The following UGT1A9 variants were observed in gnomAD, a reference collection of about 807,000 sequenced individuals.
UGT1A9 encodes the protein UDP glucuronosyltransferase family 1 member A9, also known as UDP-glucuronosyltransferase 1A9.
Under a neutral mutation model 45.0 loss-of-function variants are expected in UGT1A9, and 35 were observed. The observed-to-expected ratio is 0.78, with a 90% CI of 0.59 to 1.03. The LOEUF (loss-of-function observed/expected upper bound fraction) is 1.03. UGT1A9 is among the 50% of genes least tolerant of loss of function. The pLI is 0.00. For synonymous variants in UGT1A9, 278 were observed against 250.6 expected (o/e 1.11, Z -1.03); for missense variants, 687 against 666.6 (o/e 1.03, Z -0.34).
At chr2:233,733,885 A>AGCTCCTG (rs2078449357) in intron 1 of UGT1A9, among the ~76,000 whole-genome samples, 1 of 152,018 alleles carries the variant, frequency 6.6e-6, no homozygotes, top group Non-Finnish European at 1.5e-5. Flanking sequence ...GAATGGTACC[A>AGCTCCTG]GCTCCTGTTT....
At chr2:233,705,436 T>C (rs1284640676) in intron 1 of UGT1A9, among the ~76,000 whole-genome samples, 1 of 152,232 alleles carries the variant, frequency 6.6e-6, no homozygotes, top group Non-Finnish European at 1.5e-5. Context: ...TAACTTATCC[T>C]TCAGAATTGC....
chr2:233,729,169 G>T (rs770212311), intron 1 of UGT1A9: 2 of 1,613,626 alleles, frequency 1.2e-6, no homozygotes, highest in African/African-American at 2.7e-5. Context: ...GCTGGCCACA[G>T]GACTGCTGCT....
chr2:233,720,704 CTTTT>C (rs796417980), intron 1 of UGT1A9, among the ~76,000 whole-genome samples: 1 of 139,182 alleles, frequency 7.2e-6, no homozygotes. Context: ...GGGAGCCATC[CTTTT>C]TTTTTTTTTT....
rs369861347 is a variant in UGT1A9 at position 233,704,965 on chromosome 2, A to G, written c.855+32176A>G. On this transcript the variant is annotated intron_variant, in intron 1 of 4. Coordinates refer to ENST00000354728, the MANE Select transcript of UGT1A9 (RefSeq NM_021027.3). ...AGCCTGGCCAACATGGTGAAACCCC[A>G]TCTCTACTTAAAATACAGAAATTAG... Among the ~76,000 whole-genome samples the G allele has an allele frequency of 7.9e-5, 12 of 152,064 alleles. 1 individual carries two copies. In the East Asian group the frequency reaches 1.2e-3, roughly 15 times the overall value.
chr2:233,696,816 T>A (rs562285959), intron 1 of UGT1A9, among the ~76,000 whole-genome samples: 1 of 152,328 alleles, frequency 6.6e-6, no homozygotes, highest in Admixed American at 6.5e-5. Flanking sequence ...GCCAGTTTAT[T>A]GAGAGTGTGT....
At chr2:233,692,951 T>G (rs2075122028) in intron 1 of UGT1A9, 1 of 1,602,764 alleles carries the variant, frequency 6.2e-7, no homozygotes, top group East Asian at 2.2e-5. Context: ...AGGAGCCCTG[T>G]GATTTGGAGA....
intron 1 of UGT1A9, among the ~76,000 whole-genome samples, chr2:233,725,204 A>C (rs1419475317): frequency 1.4e-4 from 12 of 85,222 alleles, no homozygotes; most frequent in African/African-American, 6.2e-4. Flanking sequence ...AGGCAGAGGC[A>C]GAGGCAGAGG....
chr2:233,682,073 G>A (rs2074555937), intron 1 of UGT1A9: 4 of 1,614,098 alleles, frequency 2.5e-6, no homozygotes, highest in Non-Finnish European at 3.4e-6. Flanking sequence ...GTCGGTGGTG[G>A]AGAAACTCAT....
intron 1 of UGT1A9, among the ~76,000 whole-genome samples, chr2:233,722,841 G>GTT (rs1454578940): frequency 8.8e-6 from 1 of 113,218 alleles, no homozygotes. Context: ...TAATAAGAAT[G>GTT]TTTCTTTTTT....
chr2:233,681,072 T>C (rs925995500), intron 1 of UGT1A9, among the ~76,000 whole-genome samples: 1 of 151,736 alleles, frequency 6.6e-6, no homozygotes, highest in South Asian at 2.1e-4. Context: ...TGTGTCACAA[T>C]TGTGGCTCAC....
Position 233,761,080 on chromosome 2 carries a change from C to T in UGT1A9, c.856-5954C>T, listed in dbSNP as rs760907397. On this transcript the variant is annotated intron_variant, in intron 1 of 4. Transcript: ENST00000354728. ...TAGAAGTGACTTTGTGAAGGATTAC[C>T]CTAGGCCCATCATGCCCAATATGGT... The T allele has an allele frequency of 5.0e-6, 8 of 1,614,034 alleles. No individual in the cohort carries two copies. The highest frequency in any genetic ancestry group is 1.3e-5 in the African/African-American group (1 of 74,910).
chr2:233,772,471 T>C lies in UGT1A9; in HGVS notation c.1505T>C (p.Ile502Thr), dbSNP rs1341191921. The C allele has an allele frequency of 1.2e-6, 2 of 1,614,022 alleles. No homozygotes were observed. The highest frequency in any genetic ancestry group is 1.7e-6 in the Non-Finnish European group (2 of 1,180,036). Residue 502 changes from isoleucine to threonine, a missense_variant, in exon 5 of 5, where the codon ATC (isoleucine) becomes ACC (threonine). Physicochemically the swap from Ile to Thr is moderately conservative, Grantham distance 89. Coordinates refer to ENST00000354728, the MANE Select transcript of UGT1A9 (RefSeq NM_021027.3). Reference sequence around the variant, plus strand: ...GCCGTCGTGCTGACAGTGGCCTTCATCACCTTTAAATGTTGTGCTTATGGC... The same window carrying C: ...GCCGTCGTGCTGACAGTGGCCTTCACCACCTTTAAATGTTGTGCTTATGGC... ...LLAVVLTVAF[I>T]TFKCCAYGYR...
At chr2:233,713,613 C>A (rs769573194) in intron 1 of UGT1A9, 8 of 1,614,012 alleles carry the variant, frequency 5.0e-6, no homozygotes, top group African/African-American at 2.7e-5. Context: ...CATGACATTC[C>A]TGCAAAGGGT....
At chr2:233,770,636 C>A (rs184236335) in intron 4 of UGT1A9, 1 of 149,556 alleles carries the variant, frequency 6.7e-6, no homozygotes, top group Non-Finnish European at 1.5e-5. Context: ...CCAGCCTGGG[C>A]GACAGAGTGA....
At chr2:233,764,352 G>A (rs1698541814) in intron 1 of UGT1A9, among the ~76,000 whole-genome samples, 1 of 152,214 alleles carries the variant, frequency 6.6e-6, no homozygotes, top group Admixed American at 6.5e-5. Context: ...CCTTTATTGA[G>A]CCTCATAGTA....
At chr2:233,734,436 C>G (rs1368482825) in intron 1 of UGT1A9, among the ~76,000 whole-genome samples, 2 of 151,658 alleles carry the variant, frequency 1.3e-5, no homozygotes, top group Admixed American at 1.3e-4. Context: ...TTAGTCTTGC[C>G]AGAGGTCTAT....
intron 1 of UGT1A9, among the ~76,000 whole-genome samples, chr2:233,720,439 A>G (rs1010293561): frequency 2.0e-5 from 3 of 152,114 alleles, no homozygotes; most frequent in African/African-American, 7.2e-5. Context: ...CCGTGAATCT[A>G]TAAGCCCAGT....
Position 233,768,313 on chromosome 2 carries a change from T to C in UGT1A9, c.1169T>C (p.Leu390Ser). 6.2e-7 allele frequency: 1 copy of C among 1,614,194 alleles called. No individual in the cohort carries two copies. The highest frequency in any genetic ancestry group is 8.5e-7 in the Non-Finnish European group (1 of 1,180,048). ...CNGVPMVMMP[L>S]FGDQMDNAKR... The stretch of plus-strand genomic sequence containing the variant: ...GGCGTTCCCATGGTGATGATGCCCT[T>C]GTTTGGTGATCAGATGGACAATGCA... Residue 390 changes from leucine (L) to serine (S), a missense_variant, in exon 4 of 5, where the codon TTG becomes TCG. By Grantham distance (145) the Leu-to-Ser change is moderately radical. Coordinates refer to ENST00000354728, the MANE Select transcript of UGT1A9 (RefSeq NM_021027.3).
intron 1 of UGT1A9, chr2:233,693,743 T>C (rs2075178370): frequency 1.2e-6 from 2 of 1,614,260 alleles, no homozygotes; most frequent in East Asian, 4.5e-5. Flanking sequence ...AATCACCTTA[T>C]ATCAGAAGGT....
Sources: allele counts gnomAD v4.1 joint callset (sites outside exome capture counted in the v4.1 genomes callset), GRCh38; gene constraint gnomAD v4.1.1; transcripts MANE v1.5; gene names NCBI Gene and HGNC (gene_info 2026-07-23, HGNC 2026-07-21).